The following RFX3 variants were observed in gnomAD, a reference collection of about 807,000 sequenced individuals.
RFX3 encodes the protein regulatory factor X3.
In RFX3, 14 loss-of-function variants were observed where a neutral mutation model predicts 98.6. The observed-to-expected ratio is 0.14, with a 90% CI of 0.09 to 0.22. The LOEUF is 0.22. RFX3 is among the 10% of genes least tolerant of loss of function. The pLI, the probability that RFX3 is intolerant of heterozygous loss-of-function variation, is 1.00. For missense variants in RFX3, 639 were observed against 926.9 expected, an observed-to-expected ratio of 0.69 and a Z score of 4.03; for synonymous variants, 383 against 328.4, an observed-to-expected ratio of 1.17 and a Z score of -1.80.
intron 1 of RFX3, among the ~76,000 whole-genome samples, chr9:3,524,992 G>C (rs1356506430): frequency 6.6e-6 from 1 of 152,024 alleles, no homozygotes; most frequent in East Asian, 1.9e-4. Context: ...GGTGTGTGGG[G>C]GGGGGGAGAA....
At position 3,266,304 on chromosome 9, in the gene RFX3, AC is replaced by A. The variant is rs1168801796; in HGVS notation, c.1358del (p.Ser453MetfsTer3). On this transcript the variant is annotated frameshift_variant and splice_region_variant, in exon 12 of 17. Coordinates refer to ENST00000617270, the MANE Select transcript of RFX3 (RefSeq NM_001282116.2). LOFTEE classifies it high-confidence loss of function. ...LIPDVLRPIP[S>X]ALTQAIRNFA... ...AATTTCGAATGGCTTGGGTCAAGGC[AC>A]CTAAACATTAAAGAATAAAAGCAGG... 1 of 1,598,434 alleles carries A rather than the reference AC, an allele frequency of 6.3e-7. No individual in the cohort carries two copies. Among genetic ancestry groups the A allele is most frequent in the Non-Finnish European group, 8.6e-7 (1 of 1,167,622 alleles).
chr9:3,521,709 A>T (rs1177229929), intron 1 of RFX3, among the ~76,000 whole-genome samples: 1 of 152,198 alleles, frequency 6.6e-6, no homozygotes, highest in Non-Finnish European at 1.5e-5. Flanking sequence ...AAGTCAGGAA[A>T]TGTCTTAGTT....
intron 1 of RFX3, among the ~76,000 whole-genome samples, chr9:3,435,605 T>G (rs1373107860): frequency 6.6e-6 from 1 of 151,844 alleles, no homozygotes; most frequent in Non-Finnish European, 1.5e-5. Flanking sequence ...TATACGGTGA[T>G]TTTTACAAAT....
chr9:3,422,947 T>C (rs943268309), intron 1 of RFX3, among the ~76,000 whole-genome samples: 7 of 152,158 alleles, frequency 4.6e-5, no homozygotes, highest in African/African-American at 9.7e-5. Flanking sequence ...AATAGTACTT[T>C]TGTCAAGAAA....
intron 12 of RFX3, among the ~76,000 whole-genome samples, chr9:3,263,424 CT>C (rs1036349297): frequency 6.6e-6 from 1 of 151,788 alleles, no homozygotes; most frequent in African/African-American, 2.4e-5. Context: ...GTTTTCATTT[CT>C]TTTTTTTACT....
chr9:3,297,285 T>C (rs937053989), intron 5 of RFX3, among the ~76,000 whole-genome samples: 1 of 152,046 alleles, frequency 6.6e-6, no homozygotes, highest in Non-Finnish European at 1.5e-5. Context: ...GCCCATAAAA[T>C]ACCATAGGAA....
At chr9:3,394,754 G>A (rs1195169569) in intron 2 of RFX3, 1 of 799,550 alleles carries the variant, frequency 1.3e-6, no homozygotes. Context: ...AATGTTATAT[G>A]ACATATGATC....
intron 4 of RFX3, chr9:3,323,942 G>A (rs1342234603): frequency 1.4e-5 from 5 of 361,902 alleles, no homozygotes; most frequent in Non-Finnish European, 3.2e-5. Flanking sequence ...GAATACAGAT[G>A]AAGTGATGGA....
chr9:3,350,614 C>T (rs914080237), intron 2 of RFX3, among the ~76,000 whole-genome samples: 1 of 152,054 alleles, frequency 6.6e-6, no homozygotes, highest in Non-Finnish European at 1.5e-5. Flanking sequence ...CAGGCAAACA[C>T]GTTTATAACA....
chr9:3,248,510 G>C (rs913764703), intron 14 of RFX3, among the ~76,000 whole-genome samples: 1 of 152,172 alleles, frequency 6.6e-6, no homozygotes, highest in African/African-American at 2.4e-5. Context: ...CTGAAAGATT[G>C]ACCACTCATT....
chr9:3,380,644 A>G (rs1471403622), intron 2 of RFX3, among the ~76,000 whole-genome samples: 1 of 152,228 alleles, frequency 6.6e-6, no homozygotes, highest in Non-Finnish European at 1.5e-5. Flanking sequence ...CTAATATTTT[A>G]CAGCAATATT....
intron 1 of RFX3, among the ~76,000 whole-genome samples, chr9:3,451,947 T>C (rs1431055389): frequency 6.6e-6 from 1 of 152,140 alleles, no homozygotes; most frequent in Non-Finnish European, 1.5e-5. Flanking sequence ...AATTGTACAA[T>C]TCTTCGTTAC....
At chr9:3,314,890 T>A (rs1027931400) in intron 4 of RFX3, among the ~76,000 whole-genome samples, 3 of 152,148 alleles carry the variant, frequency 2.0e-5, no homozygotes, top group African/African-American at 7.2e-5. Context: ...CTTAGAGACC[T>A]ACAAAGAGAC....
intron 2 of RFX3, among the ~76,000 whole-genome samples, chr9:3,374,255 A>C (rs983931122): frequency 1.2e-4 from 18 of 152,182 alleles, no homozygotes; most frequent in African/African-American, 4.1e-4. Context: ...CTGTTATGGA[A>C]AACAGTATAG....
intron 1 of RFX3, among the ~76,000 whole-genome samples, chr9:3,450,996 T>G (rs1484585831): frequency 6.6e-6 from 1 of 152,148 alleles, no homozygotes; most frequent in Non-Finnish European, 1.5e-5. Flanking sequence ...GAATCGGACT[T>G]CCATGGAGAA....
intron 9 of RFX3, among the ~76,000 whole-genome samples, chr9:3,271,940 A>C (rs1336735001): frequency 6.6e-6 from 1 of 150,690 alleles, no homozygotes; most frequent in African/African-American, 2.4e-5. Context: ...TTACGGAACA[A>C]CCTTAAGACT....
intron 14 of RFX3, among the ~76,000 whole-genome samples, chr9:3,255,940 G>T (rs1822078523): frequency 6.6e-6 from 1 of 151,890 alleles, no homozygotes; most frequent in Non-Finnish European, 1.5e-5. Flanking sequence ...AAAAAATCCT[G>T]ATTATCCTCA....
intron 2 of RFX3, chr9:3,394,841 A>G: frequency 3.0e-6 from 3 of 985,382 alleles, no homozygotes; most frequent in Non-Finnish European, 3.6e-6. Flanking sequence ...CATGAACAGC[A>G]TTACTTTGTC....
At chr9:3,251,245 C>G (rs1193582614) in intron 14 of RFX3, among the ~76,000 whole-genome samples, 1 of 152,106 alleles carries the variant, frequency 6.6e-6, no homozygotes, top group Non-Finnish European at 1.5e-5. Context: ...CTATGGTAAA[C>G]AACTGGATCC....
Sources: gnomAD v4.1 joint callset for allele counts (sites outside exome capture counted in the v4.1 genomes callset) on GRCh38, gnomAD v4.1.1 for gene constraint, MANE v1.5 for transcripts, NCBI Gene and HGNC (gene_info 2026-07-23, HGNC 2026-07-21) for gene names.